SEPTIN14: variants seen among roughly 807,000 people sequenced by gnomAD.
The protein encoded by SEPTIN14 is septin 14, also known as septin-14.
A neutral mutation model predicts 53.6 loss-of-function variants in SEPTIN14; 40 were observed. The ratio of observed to expected loss-of-function variants is 0.75; its 90% confidence interval spans 0.58 to 0.97. The LOEUF (loss-of-function observed/expected upper bound fraction) is 0.97. SEPTIN14 is among the 50% of genes least tolerant of loss of function. The pLI is 0.00. For missense variants in SEPTIN14, 471 were observed against 508.2 expected, an observed-to-expected ratio of 0.93 and a Z score of 0.70; for synonymous variants, 138 against 166.8, an observed-to-expected ratio of 0.83 and a Z score of 1.33.
intron 5 of SEPTIN14, among the ~76,000 whole-genome samples, chr7:55,841,151 T>G (rs531124256): frequency 6.6e-6 from 1 of 152,156 alleles, no homozygotes; most frequent in Admixed American, 6.6e-5. Flanking sequence ...TCAGGTGATC[T>G]GCCCACCTCA....
chr7:55,862,103 G>T, intron 1 of SEPTIN14, 92 bp from the exon 2 acceptor site: 3 of 727,952 alleles, frequency 4.1e-6, no homozygotes, highest in Non-Finnish European at 6.6e-6. Context: ...GCATAATATG[G>T]GTATTTTTGC....
rs547834400 is a variant in SEPTIN14 at position 55,834,555 on chromosome 7, T to C, written c.590A>G (p.Asp197Gly). The C allele has an allele frequency of 1.2e-6, 2 of 1,610,894 alleles. No homozygotes were observed. Among genetic ancestry groups the C allele is most frequent in the Admixed American group, 3.3e-5 (2 of 59,830 alleles). The part of the protein sequence containing the change: ...VNIIPLIAKA[D>G]TISKNDLQTF... ...CTGTAAATCATTTTTAGAAATAGTGTCTGCTTTGGCAATCAGTGGTATAAT... is the reference window on the plus strand; with the variant it reads ...CTGTAAATCATTTTTAGAAATAGTGCCTGCTTTGGCAATCAGTGGTATAAT... The change falls in exon 6 of 10, where the codon GAC becomes GGC. Residue 197 changes from aspartate (D) to glycine (G), a missense_variant. Transcript: ENST00000388975.
intron 2 of SEPTIN14, among the ~76,000 whole-genome samples, chr7:55,847,682 T>TA (rs1324334154): frequency 4.7e-4 from 72 of 152,348 alleles, no homozygotes; most frequent in African/African-American, 1.7e-3. Flanking sequence ...GGAGATCCTC[T>TA]ACATATGTGA....
At chr7:55,854,165 A>G in intron 2 of SEPTIN14, among the ~76,000 whole-genome samples, 1 of 152,280 alleles carries the variant, frequency 6.6e-6, no homozygotes, top group East Asian at 1.9e-4. Flanking sequence ...TCACCATATT[A>G]ATAGTATAAA....
At chr7:55,815,347 G>A (rs1788773974) in intron 7 of SEPTIN14, among the ~76,000 whole-genome samples, 1 of 152,028 alleles carries the variant, frequency 6.6e-6, no homozygotes, top group East Asian at 1.9e-4. Flanking sequence ...TACACACAAT[G>A]AGAAAATATT....
chr7:55,834,483 T>A lies in SEPTIN14; in HGVS notation c.662A>T (p.Gln221Leu). The stretch of plus-strand genomic sequence containing the variant: ...TTCATCTGTTGGGAGCTGATATATC[T>A]GGATGCCATTGCTAATCAATTCACT... Reference protein sequence around the residue: ...IMSELISNGIQIYQLPTDEET... With the variant: ...IMSELISNGILIYQLPTDEET... The change falls in exon 6 of 10, where the codon CAG becomes CTG. Residue 221 changes from glutamine to leucine, a missense_variant. Transcript: ENST00000388975. 6 of 1,613,266 alleles carry A rather than the reference T, an allele frequency of 3.7e-6. No homozygotes were observed. The highest frequency in any genetic ancestry group is 5.1e-6 in the Non-Finnish European group (6 of 1,179,312).
chr7:55,842,671 G>A (rs945263798), intron 5 of SEPTIN14, among the ~76,000 whole-genome samples: 25 of 151,918 alleles, frequency 1.6e-4, no homozygotes, highest in African/African-American at 5.6e-4. Context: ...CCAGCACTCT[G>A]GGAGGCCAAG....
At chr7:55,851,049 C>T (rs925634544) in intron 2 of SEPTIN14, 24 of 152,162 alleles carry the variant, frequency 1.6e-4, no homozygotes, top group African/African-American at 5.6e-4. Flanking sequence ...TGCACGCCAG[C>T]CTGGGCCACA....
intron 9 of SEPTIN14, among the ~76,000 whole-genome samples, chr7:55,797,735 G>A (rs777830871): frequency 5.3e-5 from 8 of 152,162 alleles, no homozygotes; most frequent in Admixed American, 1.3e-4. Flanking sequence ...TTGGGAGGCC[G>A]AGGTGGGTGG....
At chr7:55,830,047 G>A (rs1264145524) in intron 6 of SEPTIN14, among the ~76,000 whole-genome samples, 49 of 149,758 alleles carry the variant, frequency 3.3e-4, no homozygotes, top group African/African-American at 6.6e-4. Flanking sequence ...GCGTGGTGGC[G>A]GGCGCCTATA....
chr7:55,824,586 T>C (rs12672993), intron 6 of SEPTIN14, among the ~76,000 whole-genome samples: 107,246 of 150,660 alleles, frequency 0.71, 38,554 homozygotes, highest in African/African-American at 0.82. Context: ...AGTTCAAGAC[T>C]AGCCTGGCCA....
intron 6 of SEPTIN14, among the ~76,000 whole-genome samples, chr7:55,830,556 G>T (rs1789091399): frequency 1.3e-5 from 2 of 150,412 alleles, no homozygotes; most frequent in Non-Finnish European, 3.0e-5. Context: ...TGTTGGCCAG[G>T]ATAGTCTCGA....
In SEPTIN14 at chr7:55,828,472, T is replaced by G. The variant is rs372631483; in HGVS notation, c.720+5953A>C. Among the ~76,000 whole-genome samples, 6 of 152,108 alleles carry G rather than the reference T, an allele frequency of 3.9e-5. No individual in the cohort carries two copies. In the East Asian group the frequency reaches 1.2e-3, roughly 29 times the overall value. On this transcript the variant is annotated intron_variant, in intron 6 of 9. Coordinates refer to ENST00000388975, the MANE Select transcript of SEPTIN14 (RefSeq NM_207366.3). Reference sequence around the variant, plus strand: ...GGCACCCACTACCACGCCCGGCTAATTTTTTGTATTTTTAGTAGAGGTGGG... The same window carrying G: ...GGCACCCACTACCACGCCCGGCTAAGTTTTTGTATTTTTAGTAGAGGTGGG...
At chr7:55,850,789 G>A (rs563168084) in intron 2 of SEPTIN14, 1 of 152,090 alleles carries the variant, frequency 6.6e-6, no homozygotes, top group Non-Finnish European at 1.5e-5. Flanking sequence ...ACACATACAT[G>A]GCCAGGTACA....
At chr7:55,844,149 T>G (rs979597319) in intron 4 of SEPTIN14, among the ~76,000 whole-genome samples, 8 of 151,864 alleles carry the variant, frequency 5.3e-5, no homozygotes, top group African/African-American at 1.9e-4. Flanking sequence ...AAAATAATAA[T>G]AAAAATAATT....
chr7:55,841,664 T>C (rs1475997478), intron 5 of SEPTIN14, among the ~76,000 whole-genome samples: 1 of 152,022 alleles, frequency 6.6e-6, no homozygotes, highest in Non-Finnish European at 1.5e-5. Flanking sequence ...GAGACCAGCT[T>C]GACCAACATG....
intron 4 of SEPTIN14, among the ~76,000 whole-genome samples, chr7:55,843,889 C>T (rs1426017955): frequency 6.6e-6 from 1 of 152,186 alleles, no homozygotes; most frequent in African/African-American, 2.4e-5. Context: ...AATCCCAGCA[C>T]TTTGGAAGGC....
At chr7:55,833,439 A>T (rs1411589171) in intron 6 of SEPTIN14, among the ~76,000 whole-genome samples, 3 of 152,070 alleles carry the variant, frequency 2.0e-5, no homozygotes, top group Non-Finnish European at 4.4e-5. Context: ...AATAAAAAAA[A>T]TTTTAATCGG....
At chr7:55,816,804 A>G (rs1371665362) in intron 7 of SEPTIN14, among the ~76,000 whole-genome samples, 1 of 152,166 alleles carries the variant, frequency 6.6e-6, no homozygotes, top group Non-Finnish European at 1.5e-5. Context: ...ATCTCAAAAA[A>G]AAAATTAAAA....
Sources: allele counts gnomAD v4.1 joint callset (sites outside exome capture counted in the v4.1 genomes callset), GRCh38; gene constraint gnomAD v4.1.1; transcripts MANE v1.5; gene names NCBI Gene and HGNC (gene_info 2026-07-23, HGNC 2026-07-21).